The following ART1 variants were observed in gnomAD, a reference collection of about 807,000 sequenced individuals.
ART1 encodes ADP-ribosyltransferase 1.
In ART1, 29 loss-of-function variants were observed where a neutral mutation model predicts 27.0. The ratio of observed to expected loss-of-function variants is 1.08; its 90% CI spans 0.80 to 1.47. The LOEUF is 1.47. Ranked by LOEUF, ART1 falls within the 40% of genes most tolerant of loss-of-function variation. ART1 has a pLI of 0.00. For synonymous variants in ART1, 201 were observed against 172.2 expected, an observed-to-expected ratio of 1.17 and a Z score of -1.31; for missense variants, 480 against 423.0, an observed-to-expected ratio of 1.13 and a Z score of -1.18.
Position 3,660,318 on chromosome 11 carries a change from C to A in ART1, c.799C>A (p.Arg267=), listed in dbSNP as rs764813601. 1.2e-6 allele frequency: 2 copies of A among 1,606,906 alleles called. No homozygotes were observed. The highest frequency in any genetic ancestry group is 1.7e-5 in the Admixed American group (1 of 59,992). ...LAQGPARIYL[R]ALGKHSTYNC... is the part of the protein sequence containing the mutation. ...CCAGGGCCCCGCCCGCATCTACCTC[C>A]GAGCCCTGGGCAAGCACAGCACCTA... The change falls in exon 3 of 5, where the codon CGA becomes AGA. Residue 267 remains arginine (R), a synonymous_variant. Coordinates refer to ENST00000250693, the MANE Select transcript of ART1 (RefSeq NM_004314.3).
At position 3,664,407 on chromosome 11, in the gene ART1, T is replaced by G; in HGVS notation, c.*218T>G. On this transcript the variant is annotated 3_prime_UTR_variant, in exon 5 of 5. Coordinates refer to ENST00000250693, the MANE Select transcript of ART1 (RefSeq NM_004314.3). ...TAGGAGTGAGACTCTGAATAAAGGG[T>G]TGGGCCGGCGGTGTGGCAGGTACTT... 1.9e-6 allele frequency: 1 copy of G among 523,788 alleles called. No homozygotes were observed. The highest frequency in any genetic ancestry group is 3.4e-6 in the Non-Finnish European group (1 of 292,918). The allele number at this position is 523,788 out of a possible 1,614,324, so 32.4% of individuals were successfully genotyped here.
chr11:3,654,968 G>T (rs1470007569), intron 1 of ART1, among the ~76,000 whole-genome samples: 1 of 152,244 alleles, frequency 6.6e-6, no homozygotes, highest in Non-Finnish European at 1.5e-5. Flanking sequence ...AGCTGGCCCA[G>T]TGGGCTTTTG....
At chr11:3,650,681 T>A (rs1199707423) in intron 1 of ART1, among the ~76,000 whole-genome samples, 1 of 152,100 alleles carries the variant, frequency 6.6e-6, no homozygotes, top group Non-Finnish European at 1.5e-5. Flanking sequence ...TATCCCCACC[T>A]GCCCAGTTCC....
At chr11:3,655,928 CT>C (rs761533207) in intron 1 of ART1, among the ~76,000 whole-genome samples, 7,400 of 108,806 alleles carry the variant, frequency 0.068, 283 homozygotes, top group African/African-American at 0.18. Context: ...GAGCTCAAGT[CT>C]TTTTTTTTTT....
At chr11:3,655,563 G>T (rs532357233) in intron 1 of ART1, 3 of 152,242 alleles carry the variant, frequency 2.0e-5, no homozygotes, top group Non-Finnish European at 4.4e-5. Context: ...AGAAGTGGGA[G>T]GCTGACAGCC....
chr11:3,659,882 C>T lies in ART1; in HGVS notation c.363C>T (p.Tyr121=), dbSNP rs774170580. ...AGCATGGGGTGGCCCTCCTGGCCTACACAGCCAACAGCCCCCTGCACAAGG... is the reference window on the plus strand; with the variant it reads ...AGCATGGGGTGGCCCTCCTGGCCTATACAGCCAACAGCCCCCTGCACAAGG... ...RDEHGVALLA[Y]TANSPLHKEF... The change falls in exon 3 of 5, where the codon TAC becomes TAT. Residue 121 remains tyrosine, a synonymous_variant. Coordinates refer to ENST00000250693, the MANE Select transcript of ART1 (RefSeq NM_004314.3). 1.1e-5 allele frequency: 17 copies of T among 1,612,912 alleles called. 2 individuals carry two copies. In the South Asian group the frequency reaches 1.4e-4, roughly 14 times the overall value.
chr11:3,651,936 C>T (rs2077525522), intron 1 of ART1, among the ~76,000 whole-genome samples: 1 of 150,080 alleles, frequency 6.7e-6, no homozygotes, highest in Non-Finnish European at 1.5e-5. Context: ...CTCCACCAGG[C>T]TTAATCGCCA....
rs182520828 is a variant in ART1, at chr11:3,650,131, G to A, written c.-53+4952G>A. Among the ~76,000 whole-genome samples the A allele has an allele frequency of 7.6e-4, 115 of 152,176 alleles. 3 individuals are homozygous for A. The East Asian group carries it at 0.021, about 28-fold the overall frequency. ...TGAGACAAACACCAGCCACATCTCC[G>A]GCACACAAGAACTTCCACACGCCTG... is the stretch of plus-strand genomic sequence containing the variant. On this transcript the variant is annotated intron_variant, in intron 1 of 4. Coordinates refer to ENST00000250693, the MANE Select transcript of ART1 (RefSeq NM_004314.3).
At chr11:3,646,753 T>C (rs1396224285) in intron 1 of ART1, among the ~76,000 whole-genome samples, 1 of 152,198 alleles carries the variant, frequency 6.6e-6, no homozygotes, top group Non-Finnish European at 1.5e-5. Context: ...TTCTGCTACC[T>C]CTTGGACATC....
intron 1 of ART1, among the ~76,000 whole-genome samples, chr11:3,650,305 G>A (rs190528607): frequency 5.9e-4 from 90 of 152,294 alleles, no homozygotes; most frequent in African/African-American, 2.0e-3. Flanking sequence ...ACTGAAAATC[G>A]GACTGTTCAA....
In ART1 at chr11:3,656,636, C is replaced by T. The variant is rs535617133; in HGVS notation, c.-52-2526C>T. On this transcript the variant is annotated intron_variant, in intron 1 of 4. Coordinates refer to ENST00000250693, the MANE Select transcript of ART1 (RefSeq NM_004314.3). The stretch of plus-strand genomic sequence containing the variant: ...ACTTCAGGTGATCCGCCCACCTCAG[C>T]CTCCCGGAGTTGTCCGGATGTATTT... 1.4e-3 allele frequency among the ~76,000 whole-genome samples: 211 copies of T among 152,116 alleles called. 1 individual carries two copies. The highest frequency in any genetic ancestry group is 2.2e-3 in the Non-Finnish European group (148 of 68,026).
chr11:3,656,836 T>C (rs1034439792), intron 1 of ART1, among the ~76,000 whole-genome samples: 14 of 152,088 alleles, frequency 9.2e-5, no homozygotes, highest in Non-Finnish European at 1.6e-4. Context: ...CTACAGATGC[T>C]AAACAACAAT....
chr11:3,657,712 CAAAAT>C (rs1032048779), intron 1 of ART1, among the ~76,000 whole-genome samples: 30 of 152,238 alleles, frequency 2.0e-4, no homozygotes, highest in African/African-American at 6.7e-4. Context: ...CAGTTTCTGT[CAAAAT>C]AAAAAATATT....
At chr11:3,652,598 T>C (rs2133952149) in intron 1 of ART1, among the ~76,000 whole-genome samples, 1 of 152,268 alleles carries the variant, frequency 6.6e-6, no homozygotes, top group South Asian at 2.1e-4. Flanking sequence ...GTATAGACGC[T>C]CCTTTTTATT....
intron 1 of ART1, chr11:3,655,355 A>T (rs1207931527): frequency 6.6e-6 from 1 of 152,232 alleles, no homozygotes; most frequent in Non-Finnish European, 1.5e-5. Context: ...CAGCCAATTA[A>T]AAGCCTGTTA....
chr11:3,650,637 T>C (rs374338344), intron 1 of ART1, among the ~76,000 whole-genome samples: 24 of 152,168 alleles, frequency 1.6e-4, no homozygotes, highest in African/African-American at 5.6e-4. Flanking sequence ...TAGTGCCAAC[T>C]TAGACAATAC....
At position 3,659,846 on chromosome 11, in the gene ART1, C is replaced by A; in HGVS notation, c.327C>A (p.Gly109=). 6.2e-7 allele frequency: 1 copy of A among 1,612,386 alleles called. No individual in the cohort carries two copies. The highest frequency in any genetic ancestry group is 8.5e-7 in the Non-Finnish European group (1 of 1,179,542). ...CCCGTCCATCCCCGCCACCCCTGGG[C>A]TTCCGCGATGAGCATGGGGTGGCCC... ...SPTRPSPPPL[G]FRDEHGVALL... is the part of the protein sequence containing the mutation. Residue 109 remains glycine, a synonymous_variant, in exon 3 of 5, where the codon GGC becomes GGA. Coordinates refer to ENST00000250693, the MANE Select transcript of ART1 (RefSeq NM_004314.3).
At chr11:3,658,227 G>C (rs964469131) in intron 1 of ART1, among the ~76,000 whole-genome samples, 1 of 151,712 alleles carries the variant, frequency 6.6e-6, no homozygotes, top group Non-Finnish European at 1.5e-5. Flanking sequence ...CAGCTACTCC[G>C]GAGGCTGAGG....
intron 1 of ART1, among the ~76,000 whole-genome samples, chr11:3,647,126 C>A (rs913903844): frequency 1.3e-5 from 2 of 151,046 alleles, no homozygotes; most frequent in Admixed American, 6.6e-5. Flanking sequence ...GAATTTGAGA[C>A]CAGCCTGACC....
Sources: allele counts gnomAD v4.1 joint callset (sites outside exome capture counted in the v4.1 genomes callset), GRCh38; gene constraint gnomAD v4.1.1; transcripts MANE v1.5; gene names NCBI Gene and HGNC (gene_info 2026-07-23, HGNC 2026-07-21).